C3orf70: variants seen among roughly 807,000 people sequenced by gnomAD.
The protein encoded by C3orf70 is UPF0524 protein C3orf70.
Under a neutral mutation model 20.7 loss-of-function variants are expected in C3orf70, and 15 were observed. The observed-to-expected ratio is 0.72, with a 90% CI of 0.48 to 1.11. C3orf70 has a LOEUF of 1.11. Ranked by LOEUF, C3orf70 falls within the 50% of genes most tolerant of loss-of-function variation. The probability of loss-of-function intolerance (pLI) is 0.00; values close to 1 mark genes in which losing one functional copy is unlikely to be tolerated. For synonymous variants in C3orf70, 161 were observed against 125.7 expected, an observed-to-expected ratio of 1.28 and a Z score of -1.88; for missense variants, 332 against 317.6, an observed-to-expected ratio of 1.05 and a Z score of -0.34.
intron 1 of C3orf70, among the ~76,000 whole-genome samples, chr3:185,107,298 A>G (rs981559875): frequency 2.0e-5 from 3 of 152,198 alleles, no homozygotes; most frequent in South Asian, 2.1e-4. Context: ...TCAACCAATT[A>G]TAACTTCCGT....
chr3:185,107,127 A>C (rs1042120687), intron 1 of C3orf70, among the ~76,000 whole-genome samples: 3 of 152,326 alleles, frequency 2.0e-5, no homozygotes, highest in Admixed American at 6.5e-5. Flanking sequence ...TTTGGTAGAT[A>C]CAGGAGCGGA....
intron 1 of C3orf70, among the ~76,000 whole-genome samples, chr3:185,129,408 G>C (rs904552301): frequency 6.6e-6 from 1 of 152,146 alleles, no homozygotes; most frequent in Non-Finnish European, 1.5e-5. Context: ...ACATAATTTT[G>C]TTCTTTTTTA....
intron 1 of C3orf70, among the ~76,000 whole-genome samples, chr3:185,138,929 G>A (rs1024346965): frequency 1.7e-4 from 26 of 151,748 alleles, no homozygotes; most frequent in African/African-American, 5.8e-4. Context: ...GTGAGACCAT[G>A]TGTCTACAAA....
intron 1 of C3orf70, among the ~76,000 whole-genome samples, chr3:185,136,588 G>A (rs1462382466): frequency 4.6e-5 from 7 of 152,076 alleles, no homozygotes; most frequent in Admixed American, 4.6e-4. Context: ...GCCCACAGTG[G>A]TGGCGGGCAC....
chr3:185,140,969 C>CAAAAA (rs35570209), intron 1 of C3orf70, among the ~76,000 whole-genome samples: 236 of 136,690 alleles, frequency 1.7e-3, no homozygotes, highest in African/African-American at 6.2e-3. Context: ...CCCTTGTCAC[C>CAAAAA]AAAAAAAAAA....
At chr3:185,088,069 G>A (rs1218688168) in intron 1 of C3orf70, among the ~76,000 whole-genome samples, 1 of 152,006 alleles carries the variant, frequency 6.6e-6, no homozygotes, top group East Asian at 1.9e-4. Context: ...GCGCCACCAT[G>A]CCCAGCTAAT....
Position 185,083,375 on chromosome 3 carries a change from G to C in C3orf70, c.385C>G (p.Leu129Val). 6.2e-7 allele frequency: 1 copy of C among 1,614,104 alleles called. No individual in the cohort carries two copies. Among genetic ancestry groups the C allele is most frequent in the Non-Finnish European group, 8.5e-7 (1 of 1,180,026 alleles). The change falls in exon 2 of 2, where the codon CTT (leucine) becomes GTT (valine). Residue 129 changes from leucine (L) to valine (V), a missense_variant. Physicochemically the swap from Leu to Val is conservative, Grantham distance 32. Transcript: ENST00000335012. ...TTAACCTGATAGTTGTCAATAAAAA[G>C]GTCTGAAATCATACAGTACCTCGGT... The part of the protein sequence containing the change: ...DSPRYCMISD[L>V]FIDNYQVKCI...
chr3:185,114,484 A>G (rs926322272), intron 1 of C3orf70, among the ~76,000 whole-genome samples: 5 of 152,186 alleles, frequency 3.3e-5, no homozygotes, highest in African/African-American at 9.6e-5. Flanking sequence ...TATAATTTAA[A>G]TAGCAGTAGA....
At chr3:185,130,037 A>G (rs1299890884) in intron 1 of C3orf70, among the ~76,000 whole-genome samples, 1 of 152,216 alleles carries the variant, frequency 6.6e-6, no homozygotes, top group Non-Finnish European at 1.5e-5. Flanking sequence ...AATTAAGGTG[A>G]AATAGTATTA....
intron 1 of C3orf70, among the ~76,000 whole-genome samples, chr3:185,152,320 G>T (rs1019227795): frequency 2.0e-5 from 3 of 152,080 alleles, no homozygotes; most frequent in African/African-American, 7.2e-5. Flanking sequence ...GTCAAAAAAA[G>T]AAAAAGAAAA....
At chr3:185,111,129 C>T (rs1017586617) in intron 1 of C3orf70, among the ~76,000 whole-genome samples, 4 of 152,104 alleles carry the variant, frequency 2.6e-5, no homozygotes, top group African/African-American at 9.7e-5. Flanking sequence ...TGGAACTAAA[C>T]ATAAGAGCTA....
At chr3:185,125,235 C>T (rs1023668877) in intron 1 of C3orf70, among the ~76,000 whole-genome samples, 3 of 151,982 alleles carry the variant, frequency 2.0e-5, no homozygotes, top group Admixed American at 6.6e-5. Flanking sequence ...CAAAATTAGC[C>T]GGGTGTGGTG....
rs1473952211 is a variant in C3orf70 at position 185,079,986 on chromosome 3, G to C, written c.*3021C>G. ...ACAGAGAATTCCTTCACATAATATA[G>C]AACAGGCCTAGAATTTAAAGTGAAA... On this transcript the variant is annotated 3_prime_UTR_variant, in exon 2 of 2. Transcript: ENST00000335012. 6.6e-6 allele frequency: 1 copy of C among 152,628 alleles called. No homozygotes were observed. The highest frequency in any genetic ancestry group is 1.5e-5 in the Non-Finnish European group (1 of 68,042). The allele number at this position is 152,628 out of a possible 1,614,324, so 9.5% of individuals were successfully genotyped here. A position where few individuals can be genotyped will look rare whatever the true frequency, so the allele number is the denominator to read the frequency against.
chr3:185,078,293 A>G lies in C3orf70; in HGVS notation c.*4714T>C, dbSNP rs958702657. ...GGACACAACGATATAGAAGCTCAATATTAAAGCCGCTAGTGATAAGTCGCT... is the reference window on the plus strand; with the variant it reads ...GGACACAACGATATAGAAGCTCAATGTTAAAGCCGCTAGTGATAAGTCGCT... On this transcript the variant is annotated 3_prime_UTR_variant, in exon 2 of 2. Coordinates refer to ENST00000335012, the MANE Select transcript of C3orf70 (RefSeq NM_001025266.3). The G allele has an allele frequency of 3.3e-5, 5 of 152,662 alleles. No individual in the cohort carries two copies. Among genetic ancestry groups the G allele is most frequent in the Non-Finnish European group, 5.9e-5 (4 of 68,046 alleles). 9.5% of individuals were successfully genotyped at this position (152,662 alleles called of 1,614,324 possible).
chr3:185,084,526 C>T (rs910399824), intron 1 of C3orf70, among the ~76,000 whole-genome samples: 25 of 151,760 alleles, frequency 1.6e-4, no homozygotes, highest in African/African-American at 6.1e-4. Context: ...CTCCCCGACA[C>T]CAATTCCACT....
At chr3:185,132,583 T>A (rs1716542855) in intron 1 of C3orf70, among the ~76,000 whole-genome samples, 1 of 152,032 alleles carries the variant, frequency 6.6e-6, no homozygotes, top group African/African-American at 2.4e-5. Flanking sequence ...ACAAAGAGAT[T>A]CAATATGAAA....
intron 1 of C3orf70, among the ~76,000 whole-genome samples, chr3:185,133,813 A>G (rs1412014843): frequency 6.6e-6 from 1 of 152,074 alleles, no homozygotes; most frequent in African/African-American, 2.4e-5. Flanking sequence ...GCATGAAGAA[A>G]TGAGAAAGAA....
At chr3:185,135,726 T>C (rs184888959) in intron 1 of C3orf70, among the ~76,000 whole-genome samples, 2 of 151,108 alleles carry the variant, frequency 1.3e-5, no homozygotes, top group Admixed American at 6.6e-5. Context: ...TCACACAGTC[T>C]ATGCATGTAA....
chr3:185,094,440 T>C (rs1272303118), intron 1 of C3orf70, among the ~76,000 whole-genome samples: 1 of 152,154 alleles, frequency 6.6e-6, no homozygotes, highest in African/African-American at 2.4e-5. Flanking sequence ...TTTTAATTAA[T>C]GATTGGTTGA....
Sources: allele counts gnomAD v4.1 joint callset (sites outside exome capture counted in the v4.1 genomes callset), GRCh38; gene constraint gnomAD v4.1.1; transcripts MANE v1.5; gene names NCBI Gene and HGNC (gene_info 2026-07-23, HGNC 2026-07-21).